Variants in FER observed in about 807,000 individuals in gnomAD.
FER encodes the protein tyrosine-protein kinase Fer.
A neutral mutation model predicts 111.0 loss-of-function variants in FER; 63 were observed. That is an observed-to-expected ratio of 0.57 (90% CI 0.46 to 0.70). The LOEUF (loss-of-function observed/expected upper bound fraction) is 0.70, where lower values mean the gene tolerates loss of function less well. Among genes scored for constraint, FER ranks in the 30% least tolerant of loss-of-function variants. The pLI, the probability that FER is intolerant of heterozygous loss-of-function variation, is 0.00. For missense variants in FER, 914 were observed against 954.0 expected, an observed-to-expected ratio of 0.96 and a Z score of 0.55; for synonymous variants, 327 against 313.9, an observed-to-expected ratio of 1.04 and a Z score of -0.44.
At position 109,120,807 on chromosome 5, in the gene FER, T is replaced by C. The variant is rs375421088; in HGVS notation, c.2048+20288T>C. Among the ~76,000 whole-genome samples, 56 of 152,264 alleles carry C rather than the reference T, an allele frequency of 3.7e-4. No homozygotes were observed. The South Asian group carries it at 0.011, about 31-fold the overall frequency. ...TTATAGTTTTCATTATAGACATCTT[T>C]TGCTTATTTGATTAGTTGATTCTTA... On this transcript the variant is annotated intron_variant, in intron 17 of 19. Coordinates refer to ENST00000281092, the MANE Select transcript of FER (RefSeq NM_005246.4).
chr5:108,845,503 G>C (rs1352771233), intron 5 of FER, among the ~76,000 whole-genome samples: 2 of 151,972 alleles, frequency 1.3e-5, no homozygotes, highest in Admixed American at 6.6e-5. Context: ...TTTTAAAAAT[G>C]AATTTCTTAG....
chr5:108,841,220 T>G (rs1303367494), intron 5 of FER, among the ~76,000 whole-genome samples: 1 of 152,198 alleles, frequency 6.6e-6, no homozygotes, highest in Non-Finnish European at 1.5e-5. Context: ...GTCACTTTAC[T>G]AGGTAGTGAA....
In FER at chr5:109,194,281, T is replaced by C. The variant is rs535720989; in HGVS notation, c.*6706T>C. ...CTGAAAGTATTTCAATTGTGTAATG[T>C]TAAGGAGTTTTTTCATAGCTTCAGA... is the stretch of plus-strand genomic sequence containing the variant. On this transcript the variant is annotated 3_prime_UTR_variant, in exon 20 of 20. Coordinates refer to ENST00000281092, the MANE Select transcript of FER (RefSeq NM_005246.4). 2 of 152,260 alleles carry C rather than the reference T, an allele frequency of 1.3e-5. No individual in the cohort carries two copies. The highest frequency in any genetic ancestry group is 2.4e-5 in the African/African-American group (1 of 41,532). 9.4% of individuals were successfully genotyped at this position (152,260 alleles called of 1,614,324 possible).
intron 17 of FER, among the ~76,000 whole-genome samples, chr5:109,122,048 C>A (rs759007256): frequency 3.3e-5 from 5 of 151,358 alleles, no homozygotes; most frequent in African/African-American, 4.8e-5. Flanking sequence ...GTTTTGTTAG[C>A]CTTTTGTATT....
At chr5:108,959,184 A>G (rs749576823) in intron 12 of FER, 41 bp from the exon 13 acceptor site, 1 of 1,581,438 alleles carries the variant, frequency 6.3e-7, no homozygotes, top group East Asian at 2.3e-5. Context: ...TTTCTAAAGC[A>G]ATGTCTTCAC....
intron 15 of FER, among the ~76,000 whole-genome samples, chr5:109,045,486 A>T (rs1184519982): frequency 6.6e-6 from 1 of 152,138 alleles, no homozygotes. Context: ...AGATTTGGTA[A>T]TAGAAATAAT....
At chr5:109,110,060 C>T (rs752790631) in intron 17 of FER, among the ~76,000 whole-genome samples, 1 of 152,098 alleles carries the variant, frequency 6.6e-6, no homozygotes, top group Non-Finnish European at 1.5e-5. Context: ...TCTGACTCCA[C>T]TCATATCTCC....
intron 17 of FER, among the ~76,000 whole-genome samples, chr5:109,175,506 CAT>C (rs1175280340): frequency 6.6e-6 from 1 of 151,986 alleles, no homozygotes; most frequent in African/African-American, 2.4e-5. Flanking sequence ...CTTCAGAAAA[CAT>C]AGGAGAAATG....
At position 108,904,711 on chromosome 5, in the gene FER, T is replaced by G. The variant is rs151123414; in HGVS notation, c.1236+6863T>G. Among the ~76,000 whole-genome samples the G allele has an allele frequency of 3.6e-3, 541 of 152,262 alleles. 3 individuals carry two copies. The highest frequency in any genetic ancestry group is 0.014 in the Middle Eastern group (4 of 294). On this transcript the variant is annotated intron_variant, in intron 10 of 19. Transcript: ENST00000281092. ...GTGTGTAGTTTATGTGTAAGATATATTTTAGGTTTTGTTCAGCTTATATAG... is the reference window on the plus strand; with the variant it reads ...GTGTGTAGTTTATGTGTAAGATATAGTTTAGGTTTTGTTCAGCTTATATAG...
chr5:108,871,498 C>A lies in FER; in HGVS notation c.799C>A (p.His267Asn). The change falls in exon 7 of 20, where the codon CAC becomes AAC. Residue 267 changes from histidine (H) to asparagine (N), a missense_variant. Physicochemically the swap from His to Asn is moderately conservative, Grantham distance 68. Transcript: ENST00000281092. ...STEYNNFIDV[H>N]RTTAAKEQEI... The stretch of plus-strand genomic sequence containing the variant: ...AGAATACAATAATTTCATAGATGTT[C>A]ACAGGTATGACATGTTTATTCCTCT... 1 of 1,601,128 alleles carries A rather than the reference C, an allele frequency of 6.2e-7. No individual in the cohort carries two copies. The highest frequency in any genetic ancestry group is 1.1e-5 in the South Asian group (1 of 88,866).
intron 17 of FER, among the ~76,000 whole-genome samples, chr5:109,175,623 C>A (rs1418028392): frequency 6.6e-6 from 1 of 152,166 alleles, no homozygotes; most frequent in Admixed American, 6.5e-5. Context: ...TTAAAAGCTT[C>A]TGCACAGCAA....
At position 108,966,579 on chromosome 5, in the gene FER, G is replaced by T. The variant is rs567736556; in HGVS notation, c.1656+7232G>T. 4.0e-5 allele frequency among the ~76,000 whole-genome samples: 6 copies of T among 151,634 alleles called. No homozygotes were observed. The South Asian group carries it at 1.3e-3, about 32-fold the overall frequency. ...ACTTTTGTGTTTTTAGTAGAGACGGGGTTTCATCATGTTGCTCAGGCTGGT... is the reference window on the plus strand; with the variant it reads ...ACTTTTGTGTTTTTAGTAGAGACGGTGTTTCATCATGTTGCTCAGGCTGGT... On this transcript the variant is annotated intron_variant, in intron 13 of 19. Transcript: ENST00000281092.
At chr5:108,989,242 A>G (rs1337729685) in intron 13 of FER, among the ~76,000 whole-genome samples, 3 of 152,072 alleles carry the variant, frequency 2.0e-5, no homozygotes, top group African/African-American at 7.2e-5. Flanking sequence ...AAAAAATCAG[A>G]ACTAGTCATT....
At chr5:108,843,599 G>A (rs7713158) in intron 5 of FER, among the ~76,000 whole-genome samples, 13,651 of 144,454 alleles carry the variant, frequency 0.095, 909 homozygotes, top group African/African-American at 0.19. Context: ...GTGTGATCTC[G>A]GGTCGCTGTA....
At chr5:108,955,021 G>A in intron 12 of FER, 89 bp downstream of exon 12, 1 of 1,115,692 alleles carries the variant, frequency 9.0e-7, no homozygotes, top group Non-Finnish European at 1.2e-6. Flanking sequence ...TGTGATAAAT[G>A]CCTGCAACAC....
chr5:109,069,376 T>C (rs1775505232), intron 16 of FER, among the ~76,000 whole-genome samples: 1 of 152,052 alleles, frequency 6.6e-6, no homozygotes, highest in African/African-American at 2.4e-5. Context: ...ACATGGATAG[T>C]TAGTAGGTGG....
chr5:109,054,532 C>G (rs1024549645), intron 16 of FER, among the ~76,000 whole-genome samples: 35 of 152,138 alleles, frequency 2.3e-4, no homozygotes, highest in African/African-American at 8.0e-4. Context: ...TCCTTTTTCT[C>G]TCAGTCTGTG....
chr5:108,797,006 A>G (rs968490986), intron 2 of FER, among the ~76,000 whole-genome samples: 4 of 151,942 alleles, frequency 2.6e-5, no homozygotes, highest in Non-Finnish European at 5.9e-5. Context: ...GCATGTCTGA[A>G]TCTGACCCAG....
In FER at chr5:109,104,926, G is replaced by T. The variant is rs536511401; in HGVS notation, c.2048+4407G>T. On this transcript the variant is annotated intron_variant, in intron 17 of 19. Transcript: ENST00000281092. ...CCCGGCTAATTTTTTTGTGTTTTTA[G>T]TAGAGACAGGGTTTCACCATGTTAG... is the stretch of plus-strand genomic sequence containing the variant. Among the ~76,000 whole-genome samples, 5 of 151,972 alleles carry T rather than the reference G, an allele frequency of 3.3e-5. No homozygotes were observed. The East Asian group carries it at 9.7e-4, about 29-fold the overall frequency.
Sources: allele counts gnomAD v4.1 joint callset (sites outside exome capture counted in the v4.1 genomes callset), GRCh38; gene constraint gnomAD v4.1.1; transcripts MANE v1.5; gene names NCBI Gene and HGNC (gene_info 2026-07-23, HGNC 2026-07-21).